NID2: variants seen among roughly 807,000 people sequenced by gnomAD.
The protein encoded by NID2 is nidogen-2.
In NID2, 83 loss-of-function variants were observed where a neutral mutation model predicts 145.4. The ratio of observed to expected loss-of-function variants is 0.57; its 90% confidence interval spans 0.48 to 0.69. NID2 has a LOEUF of 0.69. Among genes scored for constraint, NID2 ranks in the 30% least tolerant of loss-of-function variants. The pLI, the probability that NID2 is intolerant of heterozygous loss-of-function variation, is 0.00. For missense variants in NID2, 1,807 were observed against 1,765.7 expected, an observed-to-expected ratio of 1.02 and a Z score of -0.42; for synonymous variants, 739 against 701.3, an observed-to-expected ratio of 1.05 and a Z score of -0.85.
chr14:52,015,329 C>G (rs1566745051), intron 14 of NID2, 54 bp from the exon 15 acceptor site: 6 of 1,521,048 alleles, frequency 3.9e-6, no homozygotes, highest in East Asian at 4.6e-5. Context: ...GAGTCAAGGA[C>G]AGAATGCAAA....
intron 18 of NID2, chr14:52,010,302 T>A (rs1052486802): frequency 6.6e-6 from 1 of 152,256 alleles, no homozygotes; most frequent in Non-Finnish European, 1.5e-5. Flanking sequence ...TCTCAAGATA[T>A]AAAAATTCTC....
intron 5 of NID2, among the ~76,000 whole-genome samples, chr14:52,045,556 A>AT (rs1892458343): frequency 1.5e-5 from 1 of 67,038 alleles, no homozygotes; most frequent in Non-Finnish European, 2.9e-5. Context: ...CAAGGCAGAA[A>AT]AAAAAAAAAA....
At chr14:52,024,182 T>C (rs1595015802) in intron 12 of NID2, among the ~76,000 whole-genome samples, 2 of 152,328 alleles carry the variant, frequency 1.3e-5, no homozygotes, top group South Asian at 4.1e-4. Context: ...GTAGGCAGCC[T>C]CTAAGATGGC....
intron 12 of NID2, among the ~76,000 whole-genome samples, chr14:52,025,745 T>TA (rs1891565936): frequency 6.6e-6 from 1 of 152,130 alleles, no homozygotes; most frequent in Non-Finnish European, 1.5e-5. Context: ...ATTCCCAAGA[T>TA]AACCCATTAA....
At chr14:52,006,789 G>A (rs1594994189) in intron 19 of NID2, 129 bp from the exon 20 acceptor site, 3 of 982,796 alleles carry the variant, frequency 3.1e-6, no homozygotes, top group South Asian at 3.4e-5. Flanking sequence ...TCATAGATTA[G>A]CAACTGTAAA....
chr14:52,014,514 A>G, intron 15 of NID2, 58 bp from the exon 16 acceptor site: 1 of 1,526,640 alleles, frequency 6.6e-7, no homozygotes, highest in South Asian at 1.2e-5. Flanking sequence ...GGGAGATGGG[A>G]AGAAAAGTTA....
chr14:52,054,084 T>G lies in NID2; in HGVS notation c.1005A>C (p.Ala335=), dbSNP rs1163244386. The G allele has an allele frequency of 1.2e-6, 2 of 1,614,230 alleles. No individual in the cohort carries two copies. Among genetic ancestry groups the G allele is most frequent in the East Asian group, 2.2e-5 (1 of 44,886 alleles). ...AEYLPGEPEE[A]LNGHSSIDVS... The stretch of plus-strand genomic sequence containing the variant: ...CATCAATGCTGCTGTGGCCATTCAA[T>G]GCCTCCTCTGGTTCACCCGGAAGGT... Residue 335 remains alanine (A), a synonymous_variant, in exon 4 of 22, where the codon GCA becomes GCC. Transcript: ENST00000216286.
chr14:52,059,261 T>C (rs1189151269), intron 3 of NID2, among the ~76,000 whole-genome samples: 2 of 152,138 alleles, frequency 1.3e-5, no homozygotes, highest in African/African-American at 4.8e-5. Flanking sequence ...GCTATAGTGG[T>C]CTCTTTCTGG....
intron 10 of NID2, among the ~76,000 whole-genome samples, chr14:52,029,099 T>A (rs1370957752): frequency 6.6e-6 from 1 of 152,230 alleles, no homozygotes; most frequent in Non-Finnish European, 1.5e-5. Flanking sequence ...ATTCTTTAAC[T>A]GTTTTAAAAA....
chr14:52,019,436 A>C, intron 13 of NID2, 142 bp from the exon 14 acceptor site: 1 of 621,146 alleles, frequency 1.6e-6, no homozygotes, highest in Non-Finnish European at 2.7e-6. Context: ...CCTTGCCACT[A>C]TTTACCTCAT....
At chr14:52,044,428 CCTGA>C (rs1414542288) in intron 5 of NID2, among the ~76,000 whole-genome samples, 2 of 151,992 alleles carry the variant, frequency 1.3e-5, no homozygotes, top group East Asian at 1.9e-4. Flanking sequence ...CACCACCACG[CCTGA>C]CTAATTTTTT....
Position 52,042,315 on chromosome 14 carries a change from G to A in NID2, c.1615C>T (p.His539Tyr), listed in dbSNP as rs143412278. ...PHRVNGKVSGHLHVGHTPVHF... is the reference protein window; with the variant it reads ...PHRVNGKVSGYLHVGHTPVHF... ...ACGGGTGTATGGCCCACGTGGAGGT[G>A]GCCACTCACTTTCCCATTCACTCGG... Residue 539 changes from histidine to tyrosine, a missense_variant, in exon 7 of 22, where the codon CAC (histidine) becomes TAC (tyrosine). Transcript: ENST00000216286. 1,477 of 1,613,202 alleles carry A rather than the reference G, an allele frequency of 9.2e-4. No individual in the cohort carries two copies. The highest frequency in any genetic ancestry group is 1.1e-3 in the Non-Finnish European group (1,356 of 1,179,370).
chr14:52,026,408 G>A (rs1055367907), intron 12 of NID2, among the ~76,000 whole-genome samples: 2 of 152,112 alleles, frequency 1.3e-5, no homozygotes, highest in South Asian at 2.1e-4. Flanking sequence ...TTCTAAACAC[G>A]TTTCCCACCA....
intron 5 of NID2, among the ~76,000 whole-genome samples, chr14:52,050,424 C>T (rs1892645301): frequency 6.6e-6 from 1 of 152,206 alleles, no homozygotes; most frequent in Non-Finnish European, 1.5e-5. Context: ...CCCCTCCTTC[C>T]TCACAAAGAC....
chr14:52,026,885 C>T (rs917689482), intron 12 of NID2, among the ~76,000 whole-genome samples: 4 of 152,160 alleles, frequency 2.6e-5, no homozygotes, highest in Admixed American at 1.3e-4. Flanking sequence ...TGGAGACCGC[C>T]TAACAGGAAG....
intron 14 of NID2, 92 bp downstream of exon 14, chr14:52,018,969 G>T: frequency 2.3e-6 from 2 of 865,744 alleles, no homozygotes; most frequent in South Asian, 1.6e-5. Context: ...GAAGGATGGT[G>T]ACTGGCCCCG....
At chr14:52,058,067 T>A (rs550838348) in intron 3 of NID2, among the ~76,000 whole-genome samples, 30 of 152,324 alleles carry the variant, frequency 2.0e-4, no homozygotes, top group Middle Eastern at 6.8e-3. Flanking sequence ...GAAACGAGAA[T>A]GTGAGCAATG....
intron 14 of NID2, 38 bp from the exon 15 acceptor site, chr14:52,015,313 G>A: frequency 6.4e-7 from 1 of 1,565,722 alleles, no homozygotes; most frequent in Admixed American, 1.7e-5. Flanking sequence ...AAAAACCTTT[G>A]ATTGTGAGTC....
intron 12 of NID2, among the ~76,000 whole-genome samples, chr14:52,020,571 C>T (rs1052931682): frequency 6.6e-6 from 1 of 152,096 alleles, no homozygotes; most frequent in Non-Finnish European, 1.5e-5. Flanking sequence ...CAAATATATC[C>T]AACAATGGTT....
Sources: gnomAD v4.1 joint callset for allele counts (sites outside exome capture counted in the v4.1 genomes callset) on GRCh38, gnomAD v4.1.1 for gene constraint, MANE v1.5 for transcripts, NCBI Gene and HGNC (gene_info 2026-07-23, HGNC 2026-07-21) for gene names.